Variants in TMEM44 observed in about 807,000 individuals in gnomAD.
TMEM44 encodes transmembrane protein 44.
TMEM44 carries 43 observed loss-of-function variants against 47.8 expected under a neutral mutation model. That is an observed-to-expected ratio of 0.90 (90% CI 0.70 to 1.16). The LOEUF (loss-of-function observed/expected upper bound fraction) is 1.16. Among genes scored for constraint, TMEM44 ranks in the 50% most tolerant of loss-of-function variants. The pLI is 0.00. For synonymous variants in TMEM44, 277 were observed against 238.8 expected (o/e 1.16, Z -1.48); for missense variants, 568 against 555.2 (o/e 1.02, Z -0.23).
At chr3:194,626,026 G>A in intron 2 of TMEM44, 36 bp from the exon 3 acceptor site, 1 of 1,505,124 alleles carries the variant, frequency 6.6e-7, no homozygotes, top group East Asian at 2.3e-5. Context: ...TGGCATTCAA[G>A]CATCTTTCCT....
At chr3:194,612,971 G>A (rs1474689018) in intron 7 of TMEM44, among the ~76,000 whole-genome samples, 1 of 152,138 alleles carries the variant, frequency 6.6e-6, no homozygotes, top group Non-Finnish European at 1.5e-5. Context: ...GTCCTTACAA[G>A]CTTTCTTTGA....
intron 3 of TMEM44, 139 bp from the exon 4 acceptor site, chr3:194,623,834 C>A (rs1716854261): frequency 4.5e-6 from 5 of 1,120,286 alleles, no homozygotes; most frequent in Non-Finnish European, 2.6e-6. Flanking sequence ...GCCAGCTCCT[C>A]CCCACCCTTC....
intron 9 of TMEM44, chr3:194,590,289 A>G (rs183408546): frequency 1.3e-5 from 2 of 152,320 alleles, no homozygotes; most frequent in Non-Finnish European, 2.9e-5. Context: ...ATACTTGGCG[A>G]TTTTAAAAGC....
intron 5 of TMEM44, chr3:194,622,909 C>T (rs936587900): frequency 7.4e-6 from 2 of 268,528 alleles, no homozygotes; most frequent in African/African-American, 2.3e-5. Flanking sequence ...GTCAAATCTC[C>T]TTCTCTTATG....
At chr3:194,626,093 G>A (rs1572979) in intron 2 of TMEM44, 103 bp from the exon 3 acceptor site, 275,319 of 850,318 alleles carry the variant, frequency 0.32, 46,814 homozygotes, top group East Asian at 0.46. Flanking sequence ...ACACTGATGC[G>A]GTGCTTTCTT....
chr3:194,626,118 G>C (rs939629858), intron 2 of TMEM44, 128 bp from the exon 3 acceptor site: 1 of 687,132 alleles, frequency 1.5e-6, no homozygotes, highest in Admixed American at 2.3e-5. Flanking sequence ...ACTCCTCCAG[G>C]GACACCTCCT....
At chr3:194,589,726 C>G (rs1712375956) in intron 9 of TMEM44, 1 of 152,110 alleles carries the variant, frequency 6.6e-6, no homozygotes, top group Non-Finnish European at 1.5e-5. Flanking sequence ...TCCTGCTGTT[C>G]TAAGATGATG....
intron 4 of TMEM44, 63 bp downstream of exon 4, chr3:194,623,466 C>A: frequency 6.6e-7 from 1 of 1,525,280 alleles, no homozygotes; most frequent in Non-Finnish European, 8.8e-7. Flanking sequence ...GGCCTCATCC[C>A]ACCCTGGGCA....
At chr3:194,609,171 G>A (rs1162514633) in intron 8 of TMEM44, among the ~76,000 whole-genome samples, 1 of 152,156 alleles carries the variant, frequency 6.6e-6, no homozygotes, top group Non-Finnish European at 1.5e-5. Context: ...TGTGTTGGAC[G>A]AGGTAAGCGT....
At chr3:194,615,500 C>G in intron 7 of TMEM44, 69 bp downstream of exon 7, 1 of 1,575,558 alleles carries the variant, frequency 6.3e-7, no homozygotes, top group Non-Finnish European at 8.6e-7. Flanking sequence ...CAGTATCCTG[C>G]TGTTTCTCAA....
chr3:194,601,286 C>T (rs533242440), intron 9 of TMEM44, among the ~76,000 whole-genome samples: 31 of 151,678 alleles, frequency 2.0e-4, no homozygotes, highest in Non-Finnish European at 3.8e-4. Context: ...TACAGGCACC[C>T]GCCACCACGC....
chr3:194,626,403 A>T (rs1028311370), intron 2 of TMEM44, among the ~76,000 whole-genome samples: 1 of 152,246 alleles, frequency 6.6e-6, no homozygotes, highest in Non-Finnish European at 1.5e-5. Flanking sequence ...TACTTGAGAC[A>T]GTACATGGGC....
At position 194,615,538 on chromosome 3, in the gene TMEM44, C is replaced by T. The variant is rs756805556; in HGVS notation, c.912+31G>A. The stretch of plus-strand genomic sequence containing the variant: ...TACTGTTGCTGGGACCAGAGTTTTC[C>T]AGCCAGAGAGACCTTGTCCTCGTTC... On this transcript the variant is annotated intron_variant, in intron 7 of 9. Transcript: ENST00000347147. The T allele has an allele frequency of 1.9e-5, 30 of 1,607,756 alleles. No homozygotes were observed. In the South Asian group the frequency reaches 3.1e-4, roughly 17 times the overall value.
chr3:194,602,118 C>A (rs1425401464), intron 9 of TMEM44, among the ~76,000 whole-genome samples: 2 of 152,206 alleles, frequency 1.3e-5, no homozygotes. Flanking sequence ...AATTCTGAGA[C>A]CGGATCCAAG....
At position 194,604,346 on chromosome 3, in the gene TMEM44, G is replaced by A. The variant is rs200954954; in HGVS notation, c.1117C>T (p.Arg373Trp). Residue 373 changes from arginine to tryptophan, a missense_variant, in exon 9 of 10, where the codon CGG (arginine) becomes TGG (tryptophan). Arg to Trp is a moderately radical substitution (Grantham distance 101). Coordinates refer to ENST00000347147, the MANE Select transcript of TMEM44 (RefSeq NM_001011655.3). ...GAGCTGCCGGAAGACACCCGGGCCC[G>A]GATGACCTGAACGGGAGGGTACGAC... ...PPSYPPVQVI[R>W]ARVSSGSSSE... The A allele has an allele frequency of 6.4e-4, 1,000 of 1,574,360 alleles. No homozygotes were observed. Among genetic ancestry groups the A allele is most frequent in the African/African-American group, 8.8e-4 (65 of 74,074 alleles).
chr3:194,603,664 C>T (rs1714415599), intron 9 of TMEM44, among the ~76,000 whole-genome samples: 1 of 152,078 alleles, frequency 6.6e-6, no homozygotes, highest in Non-Finnish European at 1.5e-5. Flanking sequence ...TCTCAAAGTG[C>T]TGGGATTACA....
intron 6 of TMEM44, 144 bp from the exon 7 acceptor site, chr3:194,615,841 G>C (rs1715823818): frequency 1.7e-6 from 2 of 1,154,184 alleles, no homozygotes; most frequent in Admixed American, 2.3e-5. Flanking sequence ...GGACAGAGAG[G>C]AGCTCATCTG....
At chr3:194,599,564 CTTTTCA>C (rs1713820977) in intron 9 of TMEM44, among the ~76,000 whole-genome samples, 1 of 143,858 alleles carries the variant, frequency 7.0e-6, no homozygotes, top group Non-Finnish European at 1.5e-5. Context: ...CGCAAATTTT[CTTTTCA>C]TTTTCTTTTT....
At chr3:194,617,799 T>C (rs746619500) in intron 5 of TMEM44, 1 of 700,858 alleles carries the variant, frequency 1.4e-6, no homozygotes, top group Non-Finnish European at 2.6e-6. Flanking sequence ...GGTTGGGTCA[T>C]GGGGTGGATA....
Sources: allele counts gnomAD v4.1 joint callset (sites outside exome capture counted in the v4.1 genomes callset), GRCh38; gene constraint gnomAD v4.1.1; transcripts MANE v1.5; gene names NCBI Gene and HGNC (gene_info 2026-07-23, HGNC 2026-07-21).